The following TNS4 variants were observed in gnomAD, a reference collection of about 807,000 sequenced individuals.
TNS4 encodes tensin 4, also known as tensin-4.
TNS4 carries 46 observed loss-of-function variants against 70.4 expected under a neutral mutation model. The ratio of observed to expected loss-of-function variants is 0.65; its 90% CI spans 0.52 to 0.84. TNS4 has a LOEUF of 0.84. Among genes scored for constraint, TNS4 ranks in the 40% least tolerant of loss-of-function variants. The pLI is 0.00. For missense variants in TNS4, 863 were observed against 907.0 expected (o/e 0.95, Z 0.62); for synonymous variants, 390 against 366.6 (o/e 1.06, Z -0.73).
In TNS4 at chr17:40,487,290, G is replaced by C. The variant is rs369181876; in HGVS notation, c.1034C>G (p.Pro345Arg). ...CAGTGGTGGAGAGTGGGGTGTTCTG[G>C]GTTGGCCCATGGTTAGGGTGGGGTT... The part of the protein sequence containing the change: ...PRNPTLTMGQ[P>R]RTPHSPPLAK... The change falls in exon 4 of 13, where the codon CCC becomes CGC. Residue 345 changes from proline (P) to arginine (R), a missense_variant. Physicochemically the swap from Pro to Arg is moderately radical, Grantham distance 103. Coordinates refer to ENST00000254051, the MANE Select transcript of TNS4 (RefSeq NM_032865.6). 114 of 1,614,050 alleles carry C rather than the reference G, an allele frequency of 7.1e-5. No homozygotes were observed. Among genetic ancestry groups the C allele is most frequent in the Non-Finnish European group, 6.6e-5 (78 of 1,180,028 alleles).
chr17:40,480,986 C>T, intron 8 of TNS4: 1 of 534,966 alleles, frequency 1.9e-6, no homozygotes, highest in Non-Finnish European at 3.3e-6. Context: ...ATCTCTTCAT[C>T]CCCTCCTCGC....
chr17:40,479,624 C>T (rs72819648), intron 10 of TNS4, 50 bp downstream of exon 10: 105,953 of 1,583,598 alleles, frequency 0.067, 4,162 homozygotes, highest in South Asian at 0.11. Context: ...CTATCCCCTC[C>T]AGCTCTACTC....
At chr17:40,480,132 TC>T in intron 9 of TNS4, 1 of 398,406 alleles carries the variant, frequency 2.5e-6, no homozygotes, top group Non-Finnish European at 4.5e-6. Context: ...CATCCTTCTG[TC>T]CACACTTAAC....
chr17:40,479,786 C>T lies in TNS4; in HGVS notation c.1798G>A (p.Ala600Thr). 1 of 1,613,950 alleles carries T rather than the reference C, an allele frequency of 6.2e-7. No individual in the cohort carries two copies. The highest frequency in any genetic ancestry group is 8.5e-7 in the Non-Finnish European group (1 of 1,179,998). Residue 600 changes from alanine (A) to threonine (T), a missense_variant, in exon 10 of 13, where the codon GCC becomes ACC. By Grantham distance (58) the Ala-to-Thr change is moderately conservative (BLOSUM62 0). Coordinates refer to ENST00000254051, the MANE Select transcript of TNS4 (RefSeq NM_032865.6). Reference sequence around the variant, plus strand: ...GTGGTGGAGATGGCTTTCTGCACGGCCAGGGCTCCAGTCAGGGTCTCCACG... The same window carrying T: ...GTGGTGGAGATGGCTTTCTGCACGGTCAGGGCTCCAGTCAGGGTCTCCACG... ...VSVETLTGAL[A>T]VQKAISTTFE...
chr17:40,487,350 A>G lies in TNS4; in HGVS notation c.974T>C (p.Leu325Pro). 1 of 1,614,186 alleles carries G rather than the reference A, an allele frequency of 6.2e-7. No individual in the cohort carries two copies. The highest frequency in any genetic ancestry group is 8.5e-7 in the Non-Finnish European group (1 of 1,180,032). ...SSLHSLGSVSLCTRPSDFQAP... is the reference protein window; with the variant it reads ...SSLHSLGSVSPCTRPSDFQAP... Reference sequence around the variant, plus strand: ...CTGGAAGTCACTGGGTCTTGTACACAGGGACACTGAGCCAAGGCTGTGGAG... The same window carrying G: ...CTGGAAGTCACTGGGTCTTGTACACGGGGACACTGAGCCAAGGCTGTGGAG... Residue 325 changes from leucine to proline, a missense_variant, in exon 4 of 13, where the codon CTG becomes CCG. Coordinates refer to ENST00000254051, the MANE Select transcript of TNS4 (RefSeq NM_032865.6).
chr17:40,487,191 T>C lies in TNS4; in HGVS notation c.1133A>G (p.Asn378Ser). Residue 378 changes from asparagine (N) to serine (S), a missense_variant, in exon 4 of 13, where the codon AAC becomes AGC. Coordinates refer to ENST00000254051, the MANE Select transcript of TNS4 (RefSeq NM_032865.6). ...AGAAGACCCTGGTTCTGGGCAGCCG[T>C]TGATCAGCACAATGGGTATGTCCAC... ...SMVDIPIVLINGCPEPGSSPP... is the reference protein window; with the variant it reads ...SMVDIPIVLISGCPEPGSSPP... 1.2e-6 allele frequency: 2 copies of C among 1,614,154 alleles called. No homozygotes were observed. The highest frequency in any genetic ancestry group is 1.7e-6 in the Non-Finnish European group (2 of 1,180,020).
intron 8 of TNS4, 58 bp downstream of exon 8, chr17:40,482,071 C>A: frequency 1.3e-6 from 2 of 1,588,282 alleles, no homozygotes; most frequent in Admixed American, 1.7e-5. Flanking sequence ...AACCCCATTT[C>A]TAATGAGAAC....
chr17:40,484,826 A>G (rs2035970819), intron 5 of TNS4, 95 bp downstream of exon 5: 4 of 1,478,236 alleles, frequency 2.7e-6, no homozygotes, highest in Non-Finnish European at 2.8e-6. Context: ...CCCAGGACCC[A>G]CTATTTGCCA....
intron 2 of TNS4, among the ~76,000 whole-genome samples, chr17:40,493,897 G>A (rs1467180030): frequency 6.6e-6 from 1 of 152,272 alleles, no homozygotes; most frequent in Non-Finnish European, 1.5e-5. Flanking sequence ...CAGTCCTGGG[G>A]CATGAACGGT....
intron 3 of TNS4, among the ~76,000 whole-genome samples, chr17:40,488,070 C>T (rs2036015629): frequency 6.6e-6 from 1 of 152,212 alleles, no homozygotes; most frequent in Non-Finnish European, 1.5e-5. Flanking sequence ...CATGTGCCTG[C>T]AGTTCTGCTG....
At chr17:40,500,944 G>T (rs1376779747) in intron 1 of TNS4, among the ~76,000 whole-genome samples, 2 of 152,104 alleles carry the variant, frequency 1.3e-5, no homozygotes, top group Non-Finnish European at 2.9e-5. Context: ...AGAGGCCTGG[G>T]TTCTGTGTCC....
chr17:40,489,530 G>A (rs573109042), intron 2 of TNS4, among the ~76,000 whole-genome samples: 1 of 152,260 alleles, frequency 6.6e-6, no homozygotes, highest in African/African-American at 2.4e-5. Flanking sequence ...CTCTGAGGCT[G>A]GGCGCGGTGG....
In TNS4 at chr17:40,487,455, T is replaced by C; in HGVS notation, c.869A>G (p.Gln290Arg). Residue 290 changes from glutamine (Q) to arginine (R), a missense_variant, in exon 4 of 13, where the codon CAG (glutamine) becomes CGG (arginine). Physicochemically the swap from Gln to Arg is conservative, Grantham distance 43. Transcript: ENST00000254051. ...GGAGTTGCTGGAGTGCAGGAGGGAC[T>C]GGCTGCTGCAGCGGGAGAGAGTCAG... ...SDVSYMFGSS[Q>R]SLLHSSNSSH... The C allele has an allele frequency of 6.2e-7, 1 of 1,602,800 alleles. No homozygotes were observed. The highest frequency in any genetic ancestry group is 1.1e-5 in the South Asian group (1 of 90,154).
intron 9 of TNS4, 143 bp from the exon 10 acceptor site, chr17:40,479,985 G>T: frequency 9.2e-7 from 1 of 1,081,358 alleles, no homozygotes; most frequent in East Asian, 2.6e-5. Context: ...GAAAGTGGGT[G>T]TGTGGGTGAT....
chr17:40,499,338 A>G (rs1201171631), intron 1 of TNS4, among the ~76,000 whole-genome samples: 1 of 152,166 alleles, frequency 6.6e-6, no homozygotes, highest in African/African-American at 2.4e-5. Context: ...GGGACAGGAA[A>G]TGCTCACTCG....
In TNS4 at chr17:40,487,177, G is replaced by C; in HGVS notation, c.1147C>G (p.Pro383Ala). The C allele has an allele frequency of 6.2e-7, 1 of 1,614,152 alleles. No individual in the cohort carries two copies. Among genetic ancestry groups the C allele is most frequent in the Non-Finnish European group, 8.5e-7 (1 of 1,180,012 alleles). ...GTCCGCTGGGGTGGAGAAGACCCTGGTTCTGGGCAGCCGTTGATCAGCACA... is the reference window on the plus strand; with the variant it reads ...GTCCGCTGGGGTGGAGAAGACCCTGCTTCTGGGCAGCCGTTGATCAGCACA... ...PIVLINGCPE[P>A]GSSPPQRTPG... The change falls in exon 4 of 13, where the codon CCA becomes GCA. Residue 383 changes from proline to alanine, a missense_variant. Pro to Ala is a conservative substitution (Grantham distance 27, BLOSUM62 -1). Coordinates refer to ENST00000254051, the MANE Select transcript of TNS4 (RefSeq NM_032865.6).
chr17:40,479,204 A>G (rs1385616058), intron 10 of TNS4, among the ~76,000 whole-genome samples: 1 of 151,908 alleles, frequency 6.6e-6, no homozygotes, highest in African/African-American at 2.4e-5. Context: ...TTGGAGTGCA[A>G]TGGCGTGCTC....
In TNS4 at chr17:40,484,504, G is replaced by T. The variant is rs374459159; in HGVS notation, c.1481C>A (p.Ala494Glu). 1 of 1,611,626 alleles carries T rather than the reference G, an allele frequency of 6.2e-7. No individual in the cohort carries two copies. The highest frequency in any genetic ancestry group is 1.1e-5 in the South Asian group (1 of 91,080). Residue 494 changes from alanine (A) to glutamate (E), a missense_variant, in exon 6 of 13, where the codon GCG (alanine) becomes GAG (glutamate). Ala to Glu is a moderately radical substitution (Grantham distance 107). Transcript: ENST00000254051. ...GLALKVQEVP[A>E]SAQSRPGEDS... is the part of the protein sequence containing the mutation. ...CATACCTGGTCGACTCTGAGCAGACGCGGGAACCTCCTGCACCTTCAGGGC... is the reference window on the plus strand; with the variant it reads ...CATACCTGGTCGACTCTGAGCAGACTCGGGAACCTCCTGCACCTTCAGGGC...
At chr17:40,493,847 G>A (rs1464348052) in intron 2 of TNS4, among the ~76,000 whole-genome samples, 3 of 152,248 alleles carry the variant, frequency 2.0e-5, no homozygotes, top group Non-Finnish European at 4.4e-5. Flanking sequence ...GTTCCACAGG[G>A]ACTGGTTTTG....
Sources: allele counts gnomAD v4.1 joint callset (sites outside exome capture counted in the v4.1 genomes callset), GRCh38; gene constraint gnomAD v4.1.1; transcripts MANE v1.5; gene names NCBI Gene and HGNC (gene_info 2026-07-23, HGNC 2026-07-21).